Variants in TTN observed in about 807,000 individuals in gnomAD.
TTN encodes connectin.
TTN carries 1,525 observed loss-of-function variants against 3,223.0 expected under a neutral mutation model. The ratio of observed to expected loss-of-function variants is 0.47; its 90% CI spans 0.45 to 0.49. TTN has a LOEUF of 0.49. Among genes scored for constraint, TTN ranks in the 20% least tolerant of loss-of-function variants. The pLI is 0.00. For synonymous variants in TTN, 14,094 were observed against 15,161.0 expected, an observed-to-expected ratio of 0.93 and a Z score of 5.17; for missense variants, 40,786 against 43,424.0, an observed-to-expected ratio of 0.94 and a Z score of 5.40.
In TTN at chr2:178,663,657, G is replaced by C. The variant is rs368825855; in HGVS notation, c.36502C>G (p.Pro12168Ala). 2.0e-5 allele frequency: 33 copies of C among 1,613,532 alleles called. No homozygotes were observed. The African/African-American group carries it at 3.1e-4, about 15-fold the overall frequency. The change falls in exon 171 of 363, where the codon CCT becomes GCT. Residue 12168 changes from proline (P) to alanine (A), a missense_variant. Pro to Ala is a conservative substitution (Grantham distance 27). Transcript: ENST00000589042. Reference sequence around the variant, plus strand: ...ACAGGTGGGACTTCAGGCTCTTTAGGAGGAGCCACTGGCGCTTTCTTTTCA... The same window carrying C: ...ACAGGTGGGACTTCAGGCTCTTTAGCAGGAGCCACTGGCGCTTTCTTTTCA... ...VPEKKAPVAP[P>A]KEPEVPPVKV...
Position 178,689,615 on chromosome 2 carries a change from A to C in TTN, c.31847-20T>G. 13 of 1,579,934 alleles carry C rather than the reference A, an allele frequency of 8.2e-6. No homozygotes were observed. Among genetic ancestry groups the C allele is most frequent in the Non-Finnish European group, 1.1e-5 (13 of 1,165,728 alleles). ...CAGGAACTTGAAGAGACATTTTTAG[A>C]ATTGACTTTATATTTTCTAAAGTAG... On this transcript the variant is annotated intron_variant, in intron 122 of 362. Transcript: ENST00000589042.
Position 178,652,455 on chromosome 2 carries a change from T to A in TTN, c.39127+3A>T, listed in dbSNP as rs2154250699. On this transcript the variant is annotated splice_donor_region_variant and intron_variant, in intron 202 of 362. Coordinates refer to ENST00000589042, the MANE Select transcript of TTN (RefSeq NM_001267550.2). ...TCTGAAGCCTAAAATCAGTGACAAA[T>A]ACCTTTAACAGGTGTGACTTCAGGC... 6.2e-7 allele frequency: 1 copy of A among 1,613,392 alleles called. No homozygotes were observed. Among genetic ancestry groups the A allele is most frequent in the Non-Finnish European group, 8.5e-7 (1 of 1,179,492 alleles).
chr2:178,701,670 T>G, intron 109 of TTN, 83 bp from the exon 110 acceptor site: 1 of 1,346,568 alleles, frequency 7.4e-7, no homozygotes, highest in South Asian at 1.2e-5. Context: ...ATTTATTAGA[T>G]CCTGAGATAT....
At position 178,773,967 on chromosome 2, in the gene TTN, C is replaced by A. The variant is rs762102248; in HGVS notation, c.7201G>T (p.Val2401Phe). Residue 2401 changes from valine (V) to phenylalanine (F), a missense_variant, in exon 31 of 363, where the codon GTT (valine) becomes TTT (phenylalanine). Physicochemically the swap from Val to Phe is conservative, Grantham distance 50. Coordinates refer to ENST00000589042, the MANE Select transcript of TTN (RefSeq NM_001267550.2). ...DGQEVQPSDR[V>F]HIVIDKQSHM... ...GATTGTTTGTCTATCACAATGTGAACCCTGTCACTGGGCTGCACTTCTTGG... is the reference window on the plus strand; with the variant it reads ...GATTGTTTGTCTATCACAATGTGAAACCTGTCACTGGGCTGCACTTCTTGG... 1.2e-6 allele frequency: 2 copies of A among 1,614,068 alleles called. No homozygotes were observed. The highest frequency in any genetic ancestry group is 2.2e-5 in the South Asian group (2 of 91,078).
chr2:178,735,944 T>C lies in TTN; in HGVS notation c.14502A>G (p.Ala4834=), dbSNP rs779926164. The change falls in exon 50 of 363, where the codon GCA becomes GCG. Residue 4834 remains alanine (A), a synonymous_variant. Coordinates refer to ENST00000589042, the MANE Select transcript of TTN (RefSeq NM_001267550.2). ...TCCTCCAGTTAGGTGAAGGTGAGAG[T>C]GCAGCACCATCTTTCTGCCAAATGG... ...IETIWQKDGA[A]LSPSPNWRIS... 1.4e-5 allele frequency: 22 copies of C among 1,613,682 alleles called. 1 individual carries two copies. The East Asian group carries it at 1.6e-4, about 11-fold the overall frequency.
chr2:178,603,292 C>A (rs181162637), intron 282 of TTN, among the ~76,000 whole-genome samples: 1 of 152,016 alleles, frequency 6.6e-6, no homozygotes, highest in Admixed American at 6.6e-5. Flanking sequence ...TTGAATTTTT[C>A]TTCTATAGAG....
chr2:178,759,204 C>A, intron 43 of TTN, 32 bp from the exon 44 acceptor site: 1 of 1,611,632 alleles, frequency 6.2e-7, no homozygotes, highest in Non-Finnish European at 8.5e-7. Context: ...ATACTTCAAC[C>A]ACAAAAATGA....
Position 178,565,465 on chromosome 2 carries a change from A to G in TTN, c.80667T>C (p.Tyr26889=), listed in dbSNP as rs1276808769. 5 of 1,613,278 alleles carry G rather than the reference A, an allele frequency of 3.1e-6. No individual in the cohort carries two copies. The highest frequency in any genetic ancestry group is 2.2e-5 in the East Asian group (1 of 44,792). Residue 26889 remains tyrosine (Y), a synonymous_variant, in exon 326 of 363, where the codon TAT becomes TAC. Transcript: ENST00000589042. The stretch of plus-strand genomic sequence containing the variant: ...TAAGATCTTCTCCAGCTTGGATACT[A>G]TATGTGTTAAATGGTAACTTTAAAC... ...QPSLKLPFNT[Y]SIQAGEDLKI...
At chr2:178,646,706 TAAGAAA>T (rs2062059664) in intron 215 of TTN, 147 bp from the exon 216 acceptor site, 2 of 563,166 alleles carry the variant, frequency 3.6e-6, no homozygotes, top group Non-Finnish European at 6.3e-6. Flanking sequence ...AATTCACGTA[TAAGAAA>T]AAGTTCTTTT....
At chr2:178,705,804 T>C (rs1056619838) in intron 102 of TTN, among the ~76,000 whole-genome samples, 21 of 152,308 alleles carry the variant, frequency 1.4e-4, no homozygotes, top group South Asian at 6.2e-4. Flanking sequence ...AAATGAATGA[T>C]AATTATGGAA....
chr2:178,599,194 T>A lies in TTN; in HGVS notation c.56599A>T (p.Ile18867Phe). The part of the protein sequence containing the change: ...FRIMAQNKYG[I>F]GEPLDSEPET... ...GGTTCACTGTCAAGAGGTTCTCCAATGCCATATTTATTCTGGGCCATGATT... is the reference window on the plus strand; with the variant it reads ...GGTTCACTGTCAAGAGGTTCTCCAAAGCCATATTTATTCTGGGCCATGATT... The change falls in exon 290 of 363, where the codon ATT (isoleucine) becomes TTT (phenylalanine). Residue 18867 changes from isoleucine to phenylalanine, a missense_variant. By Grantham distance (21) the Ile-to-Phe change is conservative (BLOSUM62 0). Transcript: ENST00000589042. 1 of 1,513,158 alleles carries A rather than the reference T, an allele frequency of 6.6e-7. No homozygotes were observed. The highest frequency in any genetic ancestry group is 2.3e-5 in the East Asian group (1 of 43,374). 93.7% of individuals were successfully genotyped at this position (1,513,158 alleles called of 1,614,324 possible). A position where few individuals can be genotyped will look rare whatever the true frequency, so the allele number is the denominator to read the frequency against.
At chr2:178,615,193 A>G in intron 259 of TTN, 114 bp downstream of exon 259, 2 of 1,296,780 alleles carry the variant, frequency 1.5e-6, no homozygotes, top group Non-Finnish European at 2.1e-6. Context: ...AGACAGATAC[A>G]CCGGCAGCAT....
chr2:178,571,206 C>T lies in TTN; in HGVS notation c.74926G>A (p.Gly24976Ser), dbSNP rs1419152054. The change falls in exon 326 of 363, where the codon GGT (glycine) becomes AGT (serine). Residue 24976 changes from glycine to serine, a missense_variant. By Grantham distance (56) the Gly-to-Ser change is moderately conservative. Transcript: ENST00000589042. ...GAGACTCTAAATTCATATTCAACAC[C>T]TTCTTCAAGGCCAGTTGTCTTAAAC... Reference protein sequence around the residue: ...TKFKTTGLEEGVEYEFRVSAE... With the variant: ...TKFKTTGLEESVEYEFRVSAE... The T allele has an allele frequency of 1.2e-6, 2 of 1,613,530 alleles. No individual in the cohort carries two copies. The highest frequency in any genetic ancestry group is 1.7e-5 in the Admixed American group (1 of 59,990).
In TTN at chr2:178,783,767, C is replaced by T. The variant is rs987814279; in HGVS notation, c.2794G>A (p.Val932Ile). 6 of 1,613,180 alleles carry T rather than the reference C, an allele frequency of 3.7e-6. No individual in the cohort carries two copies. The South Asian group carries it at 4.4e-5, about 12-fold the overall frequency. The change falls in exon 17 of 363, where the codon GTA becomes ATA. Residue 932 changes from valine (V) to isoleucine (I), a missense_variant. By Grantham distance (29) the Val-to-Ile change is conservative (BLOSUM62 3). Transcript: ENST00000589042. Reference sequence around the variant, plus strand: ...ACAGGAATTTCAACAGGTGCTGGTACTCTTGCTGTTTCTGTTACCTAGATT... The same window carrying T: ...ACAGGAATTTCAACAGGTGCTGGTATTCTTGCTGTTTCTGTTACCTAGATT... ...REAKVTETAR[V>I]PAPVEIPVTP... is the part of the protein sequence containing the mutation.
At chr2:178,792,027 T>G in intron 10 of TTN, 45 bp downstream of exon 10, 1 of 1,600,210 alleles carries the variant, frequency 6.2e-7, no homozygotes, top group Non-Finnish European at 8.5e-7. Context: ...GGCTGTAATG[T>G]GATATTGTCA....
At position 178,799,837 on chromosome 2, in the gene TTN, G is replaced by A; in HGVS notation, c.657C>T (p.Thr219=). ...STAQISESRQ[T]RIEKKIEAHF... ...TATAGAAAAATACCTTTTCAATTCGGGTTTGTCTTGATTCTGAGATCTGAG... is the reference window on the plus strand; with the variant it reads ...TATAGAAAAATACCTTTTCAATTCGAGTTTGTCTTGATTCTGAGATCTGAG... Residue 219 remains threonine, a synonymous_variant, in exon 5 of 363, where the codon ACC becomes ACT. Coordinates refer to ENST00000589042, the MANE Select transcript of TTN (RefSeq NM_001267550.2). 1 of 1,614,116 alleles carries A rather than the reference G, an allele frequency of 6.2e-7. No homozygotes were observed. The highest frequency in any genetic ancestry group is 8.5e-7 in the Non-Finnish European group (1 of 1,180,016).
rs755395347 is a variant in TTN, at chr2:178,547,261, C to G, written c.94264G>C (p.Ala31422Pro). Residue 31422 changes from alanine (A) to proline (P), a missense_variant, in exon 340 of 363, where the codon GCC (alanine) becomes CCC (proline). Transcript: ENST00000589042. ...PTRPEVYHVS[A>P]NAMSIRWEEP... is the part of the protein sequence containing the mutation. ...TCCCAACGAATAGACATGGCATTGGCAGACACATGGTAGACCTCAGGTCTG... is the reference window on the plus strand; with the variant it reads ...TCCCAACGAATAGACATGGCATTGGGAGACACATGGTAGACCTCAGGTCTG... 6.2e-7 allele frequency: 1 copy of G among 1,613,612 alleles called. No individual in the cohort carries two copies. The highest frequency in any genetic ancestry group is 8.5e-7 in the Non-Finnish European group (1 of 1,179,652).
Position 178,540,288 on chromosome 2 carries a change from A to G in TTN, c.97878T>C (p.Asp32626=). The stretch of plus-strand genomic sequence containing the variant: ...AGCCTGTGACTTTAGATCCTCCTTC[A>G]TCTTCTGGAACACTCCAGGCCAGGG... ...SVSLAWSVPE[D]EGGSKVTGYL... Residue 32626 remains aspartate, a synonymous_variant, in exon 351 of 363, where the codon GAT becomes GAC. Coordinates refer to ENST00000589042, the MANE Select transcript of TTN (RefSeq NM_001267550.2). 1 of 1,613,776 alleles carries G rather than the reference A, an allele frequency of 6.2e-7. No individual in the cohort carries two copies.
chr2:178,671,299 T>C, intron 155 of TTN, 129 bp from the exon 156 acceptor site: 1 of 591,916 alleles, frequency 1.7e-6, no homozygotes, highest in Non-Finnish European at 2.8e-6. Flanking sequence ...AACACACTTA[T>C]TTCCAAAAGA....
Sources: gnomAD v4.1 joint callset for allele counts (sites outside exome capture counted in the v4.1 genomes callset) on GRCh38, gnomAD v4.1.1 for gene constraint, MANE v1.5 for transcripts, NCBI Gene and HGNC (gene_info 2026-07-23, HGNC 2026-07-21) for gene names.